AFF2: variants seen among roughly 807,000 people sequenced by gnomAD.
AFF2 encodes the protein AF4/FMR2 family member 2.
AFF2 carries 14 observed loss-of-function variants against 76.9 expected under a neutral mutation model. The observed-to-expected ratio is 0.18, with a 90% confidence interval of 0.12 to 0.28. AFF2 has a LOEUF of 0.28. AFF2 is among the 10% of genes least tolerant of loss of function. The pLI is 1.00. For synonymous variants in AFF2, 398 were observed against 366.7 expected (o/e 1.09, Z -0.98); for missense variants, 868 against 1,001.1 (o/e 0.87, Z 1.79).
At chrX:148,943,597 G>A (rs1387936620) in intron 9 of AFF2, among the ~76,000 whole-genome samples, 5 of 111,854 alleles carry the variant, frequency 4.5e-5, no homozygotes, top group Non-Finnish European at 9.4e-5. Context: ...AATCATGGGA[G>A]TTAACTTGCT....
At position 148,501,088 on chromosome X, in the gene AFF2, C is replaced by T; in HGVS notation, c.-10C>T. On this transcript the variant is annotated 5_prime_UTR_variant, in exon 1 of 21. Coordinates refer to ENST00000370460, the MANE Select transcript of AFF2 (RefSeq NM_002025.4). ...GACAGGCGCCCGCCCGCCGCCGCCG[C>T]CTGGCCGCTATGGATCTATTCGACT... The T allele has an allele frequency of 8.3e-7, 1 of 1,209,357 alleles. No homozygotes were observed. The highest frequency in any genetic ancestry group is 1.1e-6 in the Non-Finnish European group (1 of 894,400).
In AFF2 at chrX:148,885,999, AG is replaced by A; in HGVS notation, c.1359+17del. The A allele has an allele frequency of 8.5e-7, 1 of 1,175,970 alleles. No homozygotes were observed. Among genetic ancestry groups the A allele is most frequent in the Non-Finnish European group, 1.2e-6 (1 of 863,540 alleles). On this transcript the variant is annotated intron_variant, in intron 8 of 20. Coordinates refer to ENST00000370460, the MANE Select transcript of AFF2 (RefSeq NM_002025.4). ...GAGCTCTACCAGGTTAGAAGAGCTT[AG>A]GGCTTTGTTTTGGGATGAAGGGGGG...
intron 1 of AFF2, among the ~76,000 whole-genome samples, chrX:148,570,924 T>A (rs1557242434): frequency 9.0e-6 from 1 of 111,160 alleles, no homozygotes; most frequent in East Asian, 2.8e-4. Flanking sequence ...GTCCCCTTTT[T>A]ATAAGGATAC....
At chrX:148,546,826 G>C (rs2052925961) in intron 1 of AFF2, 1 of 111,715 alleles carries the variant, frequency 9.0e-6, no homozygotes, top group Non-Finnish European at 1.9e-5. Flanking sequence ...TTGTAGTATT[G>C]GGTTTAGATG....
At position 148,854,830 on chromosome X, in the gene AFF2, T is replaced by A. The variant is rs190809038; in HGVS notation, c.1262+11397T>A. Among the ~76,000 whole-genome samples the A allele has an allele frequency of 4.3e-3, 479 of 111,812 alleles. 5 individuals are homozygous for A. The highest frequency in any genetic ancestry group is 6.7e-3 in the Non-Finnish European group (356 of 53,121). On this transcript the variant is annotated intron_variant, in intron 7 of 20. Transcript: ENST00000370460. ...ACGGTGTGTCTGGCTTTATAATTAG[T>A]TGTGGCTGTATCTGTGTTTCCATAA... is the stretch of plus-strand genomic sequence containing the variant.
At chrX:148,974,787 G>T (rs1181564037) in intron 16 of AFF2, among the ~76,000 whole-genome samples, 1 of 111,719 alleles carries the variant, frequency 9.0e-6, no homozygotes, top group African/African-American at 3.3e-5. Flanking sequence ...AAAGTGTCAA[G>T]TATTTCTCCT....
At chrX:148,787,578 A>G (rs1316593046) in intron 3 of AFF2, among the ~76,000 whole-genome samples, 1 of 112,265 alleles carries the variant, frequency 8.9e-6, no homozygotes, top group Non-Finnish European at 1.9e-5. Context: ...CAAAGTTCAC[A>G]TTGACATTGT....
At chrX:148,866,042 GT>G (rs1296154873) in intron 7 of AFF2, among the ~76,000 whole-genome samples, 1 of 111,613 alleles carries the variant, frequency 9.0e-6, no homozygotes. Context: ...TAGCACCCTT[GT>G]TGGCAGGGAG....
At chrX:148,842,923 G>A in intron 5 of AFF2, 43 bp from the exon 6 acceptor site, 1 of 1,080,630 alleles carries the variant, frequency 9.3e-7, no homozygotes, top group Non-Finnish European at 1.3e-6. Flanking sequence ...CTCTCCTTGT[G>A]TCATTTAACT....
chrX:148,573,601 G>GA (rs1293841955), intron 1 of AFF2, among the ~76,000 whole-genome samples: 3 of 110,491 alleles, frequency 2.7e-5, no homozygotes, highest in African/African-American at 9.9e-5. Flanking sequence ...TACATTTTAA[G>GA]AAAAAAACAT....
intron 15 of AFF2, among the ~76,000 whole-genome samples, chrX:148,971,771 ATG>A (rs1367536569): frequency 0.034 from 646 of 18,839 alleles, 9 homozygotes; most frequent in African/African-American, 0.11. Context: ...TTTTTTTTTA[ATG>A]TTTTTTTTTT....
At position 148,885,112 on chromosome X, in the gene AFF2, T is replaced by C. The variant is rs782490759; in HGVS notation, c.1263-777T>C. 1.6e-4 allele frequency among the ~76,000 whole-genome samples: 18 copies of C among 112,016 alleles called. No individual in the cohort carries two copies. The South Asian group carries it at 6.1e-3, about 38-fold the overall frequency. ...TTTTAAGATAATAAGCTATTCGTCC[T>C]GCTGTAGCTCACACTTGGAGAGGAT... On this transcript the variant is annotated intron_variant, in intron 7 of 20. Transcript: ENST00000370460.
In AFF2 at chrX:148,828,995, A is replaced by G. The variant is rs782658649; in HGVS notation, c.1087-8652A>G. Among the ~76,000 whole-genome samples the G allele has an allele frequency of 3.2e-3, 360 of 112,074 alleles. 1 individual carries two copies. Among genetic ancestry groups the G allele is most frequent in the Non-Finnish European group, 4.2e-3 (224 of 53,208 alleles). On this transcript the variant is annotated intron_variant, in intron 4 of 20. Transcript: ENST00000370460. The stretch of plus-strand genomic sequence containing the variant: ...GGGGCTGCCAGGATGAAGGCAGCCA[A>G]TGTGAGCTGAACTTTTTGCATGTAC...
At chrX:148,860,091 T>G (rs899510742) in intron 7 of AFF2, among the ~76,000 whole-genome samples, 1 of 112,031 alleles carries the variant, frequency 8.9e-6, no homozygotes, top group Non-Finnish European at 1.9e-5. Flanking sequence ...TATTAACTAT[T>G]TATAGTCCAG....
Position 148,990,773 on chromosome X carries a change from T to C in AFF2, c.3815-438T>C, listed in dbSNP as rs574461678. 1.3e-3 allele frequency among the ~76,000 whole-genome samples: 142 copies of C among 112,309 alleles called. 2 individuals are homozygous for C. The highest frequency in any genetic ancestry group is 0.012 in the South Asian group (32 of 2,692). On this transcript the variant is annotated intron_variant, in intron 20 of 20. Transcript: ENST00000370460. The stretch of plus-strand genomic sequence containing the variant: ...CGGCTACTATTAATGTCCAGATTCA[T>C]GGGCCTTGTCTAGACCATGCCAAGA...
chrX:148,828,443 G>A (rs2070414054), intron 4 of AFF2, among the ~76,000 whole-genome samples: 1 of 112,315 alleles, frequency 8.9e-6, no homozygotes, highest in Non-Finnish European at 1.9e-5. Flanking sequence ...AAACAATTCA[G>A]TGTTGTTCAA....
chrX:148,882,855 G>T (rs2071114139), intron 7 of AFF2, among the ~76,000 whole-genome samples: 1 of 112,004 alleles, frequency 8.9e-6, no homozygotes, highest in African/African-American at 3.2e-5. Context: ...TGAATGCCTA[G>T]TTCCTCCAGA....
intron 1 of AFF2, among the ~76,000 whole-genome samples, chrX:148,599,892 C>T (rs2053610017): frequency 1.8e-5 from 2 of 111,591 alleles, no homozygotes; most frequent in South Asian, 7.5e-4. Flanking sequence ...CCCCTATAAT[C>T]ATCTAAGTGC....
chrX:148,927,931 G>A (rs149601352), intron 9 of AFF2, among the ~76,000 whole-genome samples: 52 of 112,140 alleles, frequency 4.6e-4, no homozygotes, highest in African/African-American at 1.6e-3. Context: ...TGAATGCAAA[G>A]ATGATCAGGG....
Sources: allele counts gnomAD v4.1 joint callset (sites outside exome capture counted in the v4.1 genomes callset), GRCh38; gene constraint gnomAD v4.1.1; transcripts MANE v1.5; gene names NCBI Gene and HGNC (gene_info 2026-07-23, HGNC 2026-07-21).